Variants in LIMA1 observed in about 807,000 individuals in gnomAD.
LIMA1 encodes LIM domain and actin-binding protein 1.
Under a neutral mutation model 62.6 loss-of-function variants are expected in LIMA1, and 52 were observed. The observed-to-expected ratio is 0.83, with a 90% CI of 0.67 to 1.05. The LOEUF is 1.05. Ranked by LOEUF, LIMA1 falls within the 50% of genes least tolerant of loss-of-function variation. LIMA1 has a pLI of 0.00. For synonymous variants in LIMA1, 302 were observed against 317.8 expected (o/e 0.95, Z 0.53); for missense variants, 780 against 902.2 (o/e 0.86, Z 1.74).
chr12:50,195,817 A>G lies in LIMA1; in HGVS notation c.1030+13T>C. ...AAGAACCTCATCCTCCAGATCTAAG[A>G]AAGAATGCTTACGGGAGTCATCTTC... On this transcript the variant is annotated intron_variant, in intron 8 of 10. Transcript: ENST00000341247. 1 of 1,599,376 alleles carries G rather than the reference A, an allele frequency of 6.3e-7. No homozygotes were observed. Among genetic ancestry groups the G allele is most frequent in the Non-Finnish European group, 8.5e-7 (1 of 1,175,878 alleles).
At chr12:50,207,669 G>A (rs1941177842) in intron 4 of LIMA1, among the ~76,000 whole-genome samples, 1 of 151,804 alleles carries the variant, frequency 6.6e-6, no homozygotes. Context: ...CGGGCAGATT[G>A]CTGGAGCTCA....
At chr12:50,263,800 TG>T (rs1466534046) in intron 1 of LIMA1, among the ~76,000 whole-genome samples, 1 of 142,914 alleles carries the variant, frequency 7.0e-6, no homozygotes, top group Non-Finnish European at 1.5e-5. Flanking sequence ...TGTGTGTGTG[TG>T]TGTGTGTGTG....
At position 50,176,014 on chromosome 12, in the gene LIMA1, G is replaced by A. The variant is rs1458776724; in HGVS notation, c.*1050C>T. ...AGTTTATAATGTCCCCAAACCTTAA[G>A]ACTAGAAAATCATCCCAAGAAAAAG... On this transcript the variant is annotated 3_prime_UTR_variant, in exon 11 of 11. Transcript: ENST00000341247. 1 of 152,078 alleles carries A rather than the reference G, an allele frequency of 6.6e-6. No individual in the cohort carries two copies. 9.4% of individuals were successfully genotyped at this position (152,078 alleles called of 1,614,324 possible). A position where few individuals can be genotyped will look rare whatever the true frequency, so the allele number is the denominator to read the frequency against.
intron 4 of LIMA1, chr12:50,217,932 A>AG (rs1458651158): frequency 1.5e-5 from 2 of 131,538 alleles, no homozygotes; most frequent in Non-Finnish European, 3.0e-5. Flanking sequence ...TTTGAGACGG[A>AG]GTCTCACTCT....
At chr12:50,241,314 C>T (rs1442311260) in intron 2 of LIMA1, among the ~76,000 whole-genome samples, 2 of 152,098 alleles carry the variant, frequency 1.3e-5, no homozygotes, top group Non-Finnish European at 2.9e-5. Context: ...CTTGGATAAT[C>T]ATCTACAGTA....
intron 1 of LIMA1, among the ~76,000 whole-genome samples, chr12:50,252,860 G>C (rs1268257972): frequency 1.3e-5 from 2 of 152,138 alleles, no homozygotes; most frequent in Non-Finnish European, 2.9e-5. Flanking sequence ...CATGTAACAT[G>C]ACTAACATCA....
chr12:50,211,979 C>A (rs556255801), intron 4 of LIMA1, among the ~76,000 whole-genome samples: 9 of 152,322 alleles, frequency 5.9e-5, no homozygotes, highest in African/African-American at 2.2e-4. Context: ...CTCACCCACC[C>A]TGAAGTCCTC....
chr12:50,230,571 TTTTTC>T (rs1941595622), intron 3 of LIMA1, among the ~76,000 whole-genome samples: 2 of 151,974 alleles, frequency 1.3e-5, no homozygotes, highest in African/African-American at 4.8e-5. Flanking sequence ...TCTTTTTTTC[TTTTTC>T]TTTTTTTTTG....
intron 8 of LIMA1, among the ~76,000 whole-genome samples, chr12:50,193,523 TACACA>T (rs1940833313): frequency 2.2e-5 from 3 of 136,154 alleles, no homozygotes; most frequent in Non-Finnish European, 4.6e-5. Context: ...ATGATATATA[TACACA>T]TATATGATAT....
rs769406950 is a variant in LIMA1, at chr12:50,222,482, T to C, written c.169A>G (p.Thr57Ala). Reference sequence around the variant, plus strand: ...CTAAAGTGCTGGGAGAGATTTTCGGTGTTCTAGAAGAACAAGAAGTAGATG... The same window carrying C: ...CTAAAGTGCTGGGAGAGATTTTCGGCGTTCTAGAAGAACAAGAAGTAGATG... ...ETNMEKKRSNTENLSQHFRKG... is the reference protein window; with the variant it reads ...ETNMEKKRSNAENLSQHFRKG... The change falls in exon 4 of 11, where the codon ACC (threonine) becomes GCC (alanine). Residue 57 changes from threonine (T) to alanine (A), a missense_variant. Coordinates refer to ENST00000341247, the MANE Select transcript of LIMA1 (RefSeq NM_016357.5). The C allele has an allele frequency of 6.2e-7, 1 of 1,613,958 alleles. No homozygotes were observed. The highest frequency in any genetic ancestry group is 8.5e-7 in the Non-Finnish European group (1 of 1,179,920).
At chr12:50,264,548 AT>A (rs1942115652) in intron 1 of LIMA1, among the ~76,000 whole-genome samples, 3 of 152,266 alleles carry the variant, frequency 2.0e-5, no homozygotes, top group African/African-American at 7.2e-5. Flanking sequence ...GCTGGTTCCA[AT>A]TCCCATTCTA....
chr12:50,224,378 T>C (rs557858691), intron 3 of LIMA1: 2 of 152,298 alleles, frequency 1.3e-5, no homozygotes, highest in South Asian at 4.1e-4. Context: ...AATGATCCAT[T>C]GGGGGAAGAA....
At chr12:50,265,388 C>T (rs766323369) in intron 1 of LIMA1, among the ~76,000 whole-genome samples, 7 of 151,934 alleles carry the variant, frequency 4.6e-5, no homozygotes, top group Admixed American at 6.6e-5. Flanking sequence ...GGCGTGGTGG[C>T]GCATGCCTGT....
At chr12:50,247,262 T>A (rs1338619720) in intron 2 of LIMA1, among the ~76,000 whole-genome samples, 3 of 152,106 alleles carry the variant, frequency 2.0e-5, no homozygotes, top group African/African-American at 7.2e-5. Context: ...TCACTTCTAA[T>A]GAAGTGAATG....
At chr12:50,255,929 G>A (rs1259353620) in intron 1 of LIMA1, among the ~76,000 whole-genome samples, 5 of 151,436 alleles carry the variant, frequency 3.3e-5, no homozygotes, top group African/African-American at 7.3e-5. Context: ...TCACTCTGTC[G>A]CCCAGGCTAG....
intron 3 of LIMA1, among the ~76,000 whole-genome samples, chr12:50,225,477 T>C (rs1167657930): frequency 6.6e-6 from 1 of 152,218 alleles, no homozygotes; most frequent in Non-Finnish European, 1.5e-5. Context: ...AATCATACTG[T>C]ACTTACTGTT....
chr12:50,220,287 T>C (rs1281193623), intron 4 of LIMA1, among the ~76,000 whole-genome samples: 1 of 152,098 alleles, frequency 6.6e-6, no homozygotes, highest in Non-Finnish European at 1.5e-5. Flanking sequence ...CTCGAACTCC[T>C]GGCCACAAGT....
chr12:50,233,551 T>C (rs904305417), intron 2 of LIMA1, among the ~76,000 whole-genome samples: 2 of 152,196 alleles, frequency 1.3e-5, no homozygotes, highest in African/African-American at 4.8e-5. Flanking sequence ...TGAGACAGAG[T>C]TTCGCTCTTG....
chr12:50,240,636 T>C (rs1166627704), intron 2 of LIMA1, among the ~76,000 whole-genome samples: 5 of 152,142 alleles, frequency 3.3e-5, no homozygotes, highest in African/African-American at 1.2e-4. Context: ...AAGAGCAAAT[T>C]TGGAAACGGG....
Sources: allele counts gnomAD v4.1 joint callset (sites outside exome capture counted in the v4.1 genomes callset), GRCh38; gene constraint gnomAD v4.1.1; transcripts MANE v1.5; gene names NCBI Gene and HGNC (gene_info 2026-07-23, HGNC 2026-07-21).